Variants in C8orf76 observed in about 807,000 individuals in gnomAD.
The protein encoded by C8orf76 is chromosome 8 open reading frame 76.
Under a neutral mutation model 38.1 loss-of-function variants are expected in C8orf76, and 46 were observed. The ratio of observed to expected loss-of-function variants is 1.21; its 90% CI spans 0.95 to 1.54. The LOEUF (loss-of-function observed/expected upper bound fraction) is 1.54, where lower values mean the gene tolerates loss of function less well. Among genes scored for constraint, C8orf76 ranks in the 40% most tolerant of loss-of-function variants. C8orf76 has a pLI of 0.00. For synonymous variants in C8orf76, 166 were observed against 167.5 expected (o/e 0.99, Z 0.07); for missense variants, 461 against 441.6 (o/e 1.04, Z -0.39).
chr8:123,232,551 G>C (rs1023372592), intron 3 of C8orf76, among the ~76,000 whole-genome samples: 1 of 152,148 alleles, frequency 6.6e-6, no homozygotes, highest in African/African-American at 2.4e-5. Context: ...AGGAAAGCCT[G>C]GCCTGCAAGC....
chr8:123,237,097 A>G (rs1825521531), intron 3 of C8orf76: 1 of 1,033,216 alleles, frequency 9.7e-7, no homozygotes, highest in Non-Finnish European at 1.5e-6. Flanking sequence ...TCGCCCAGAA[A>G]TACAACTACA....
At chr8:123,226,189 T>C (rs1011123773) in intron 5 of C8orf76, 7 of 1,175,744 alleles carry the variant, frequency 6.0e-6, no homozygotes, top group Non-Finnish European at 7.4e-6. Flanking sequence ...GCTACACAAA[T>C]GTAAGCATTC....
At chr8:123,230,998 A>T (rs1447404551) in intron 4 of C8orf76, among the ~76,000 whole-genome samples, 1 of 152,102 alleles carries the variant, frequency 6.6e-6, no homozygotes, top group Non-Finnish European at 1.5e-5. Context: ...GGATTTCACC[A>T]TGTTGCTCAG....
intron 1 of C8orf76, chr8:123,239,363 C>T (rs1825601599): frequency 2.3e-6 from 1 of 441,522 alleles, no homozygotes. Flanking sequence ...CCGCACCCAG[C>T]CCACATTGGT....
chr8:123,220,369 C>A lies in C8orf76; in HGVS notation c.949-72G>T. The A allele has an allele frequency of 3.5e-6, 4 of 1,159,362 alleles. No individual in the cohort carries two copies. The South Asian group carries it at 6.8e-5, about 20-fold the overall frequency. The allele number at this position is 1,159,362 out of a possible 1,614,324, so 71.8% of individuals were successfully genotyped here. On this transcript the variant is annotated intron_variant, in intron 5 of 5. Coordinates refer to ENST00000276704, the MANE Select transcript of C8orf76 (RefSeq NM_032847.3). ...GACATGGAATGCTAGTTATCAACTG[C>A]GAAGGCTTTCATTCAAAGGCAGAAA...
rs567977818 is a variant in C8orf76 at position 123,241,254 on chromosome 8, G to C, written c.93C>G (p.Tyr31Ter). 2 of 1,590,428 alleles carry C rather than the reference G, an allele frequency of 1.3e-6. No individual in the cohort carries two copies. Among genetic ancestry groups the C allele is most frequent in the Non-Finnish European group, 1.7e-6 (2 of 1,172,388 alleles). ...PERRSGPPAS[Y>*]CAKLCEPQWF... ...CCTGCGGCTCGCAGAGCTTGGCGCA[G>C]TAGGACGCGGGCGGTCCTGACCGCC... is the stretch of plus-strand genomic sequence containing the variant. Residue 31 changes from tyrosine to a stop codon, truncating the protein, a stop_gained, in exon 1 of 6, where the codon TAC (tyrosine) becomes TAG (stop). Transcript: ENST00000276704. LOFTEE classifies it high-confidence loss of function.
intron 4 of C8orf76, among the ~76,000 whole-genome samples, chr8:123,227,410 C>T (rs1471863127): frequency 3.9e-5 from 6 of 152,162 alleles, no homozygotes; most frequent in African/African-American, 4.8e-5. Flanking sequence ...GAGCAAAACA[C>T]ACTTGTGGCC....
At chr8:123,227,517 C>T (rs529263932) in intron 4 of C8orf76, among the ~76,000 whole-genome samples, 1 of 152,256 alleles carries the variant, frequency 6.6e-6, no homozygotes, top group South Asian at 2.1e-4. Context: ...ACACAGTAAC[C>T]TCTTCAGATG....
chr8:123,226,002 AGT>A (rs1825033708), intron 5 of C8orf76, among the ~76,000 whole-genome samples: 1 of 152,196 alleles, frequency 6.6e-6, no homozygotes, highest in Non-Finnish European at 1.5e-5. Context: ...CAACCATCAA[AGT>A]AGTAACAGGG....
intron 3 of C8orf76, among the ~76,000 whole-genome samples, chr8:123,234,540 G>A (rs1278232832): frequency 6.6e-6 from 1 of 152,096 alleles, no homozygotes. Flanking sequence ...AGGCTGAGGC[G>A]GGTGGACTGC....
chr8:123,221,034 A>G (rs1333084529), intron 5 of C8orf76, among the ~76,000 whole-genome samples: 1 of 152,248 alleles, frequency 6.6e-6, no homozygotes, highest in African/African-American at 2.4e-5. Flanking sequence ...TTTAAGTTCC[A>G]CATAGATTTG....
intron 3 of C8orf76, among the ~76,000 whole-genome samples, chr8:123,233,235 T>G (rs1270654103): frequency 6.6e-6 from 1 of 151,998 alleles, no homozygotes; most frequent in Non-Finnish European, 1.5e-5. Flanking sequence ...GCCAGGCTGG[T>G]CTCGAACTCC....
rs369663764 is a variant in C8orf76, at chr8:123,226,485, G to A, written c.948+15C>T. 1.6e-4 allele frequency: 254 copies of A among 1,607,742 alleles called. No individual in the cohort carries two copies. Among genetic ancestry groups the A allele is most frequent in the Non-Finnish European group, 2.1e-4 (244 of 1,178,646 alleles). On this transcript the variant is annotated intron_variant, in intron 5 of 5. Transcript: ENST00000276704. ...ATGATGCTTCGTTTCACATAAACCC[G>A]AGGGATACACTCACCTCAGCTATCA...
chr8:123,239,173 G>C (rs1825596185), intron 1 of C8orf76, 29 bp from the exon 2 acceptor site: 4 of 1,606,290 alleles, frequency 2.5e-6, no homozygotes, highest in Non-Finnish European at 3.4e-6. Context: ...GCCTATTACA[G>C]AGTGAGCTAT....
At chr8:123,222,027 C>T (rs188860544) in intron 5 of C8orf76, among the ~76,000 whole-genome samples, 3 of 151,992 alleles carry the variant, frequency 2.0e-5, no homozygotes, top group Admixed American at 1.3e-4. Flanking sequence ...CTCACTCTGT[C>T]GCCCAGACTG....
intron 2 of C8orf76, among the ~76,000 whole-genome samples, chr8:123,238,153 C>T (rs1422451183): frequency 6.6e-6 from 1 of 152,182 alleles, no homozygotes. Flanking sequence ...TAAATTGCAG[C>T]TCCCATAACC....
At chr8:123,229,883 G>GGC (rs1165178810) in intron 4 of C8orf76, among the ~76,000 whole-genome samples, 2 of 152,108 alleles carry the variant, frequency 1.3e-5, no homozygotes, top group Non-Finnish European at 2.9e-5. Context: ...CGGGTGTGGT[G>GGC]GTGCACAGCT....
rs1825427692 is a variant in C8orf76 at position 123,235,389 on chromosome 8, A to G, written c.357+2409T>C. 2.0e-5 allele frequency among the ~76,000 whole-genome samples: 3 copies of G among 152,182 alleles called. No homozygotes were observed. The South Asian group carries it at 6.2e-4, about 31-fold the overall frequency. On this transcript the variant is annotated intron_variant, in intron 3 of 5. Coordinates refer to ENST00000276704, the MANE Select transcript of C8orf76 (RefSeq NM_032847.3). ...GTCCCCCTACAGAATGTGAAAAGAC[A>G]GTAACCACCGTCACAAAAAAACAGA... is the stretch of plus-strand genomic sequence containing the variant.
In C8orf76 at chr8:123,220,201, A is replaced by G. The variant is rs1429418956; in HGVS notation, c.1045T>C (p.Ser349Pro). ...CACTTGTCTTCAAATTCTTCTGAGG[A>G]TACAGTCACCAAGGCAGTCAGGGCT... ...SVALTALVTV[S>P]SEEFEDKWFR... Residue 349 changes from serine (S) to proline (P), a missense_variant, in exon 6 of 6, where the codon TCC becomes CCC. Ser to Pro is a moderately conservative substitution (Grantham distance 74). Transcript: ENST00000276704. 9 of 1,613,926 alleles carry G rather than the reference A, an allele frequency of 5.6e-6. No individual in the cohort carries two copies. Among genetic ancestry groups the G allele is most frequent in the Non-Finnish European group, 7.6e-6 (9 of 1,179,948 alleles).
Sources: gnomAD v4.1 joint callset for allele counts (sites outside exome capture counted in the v4.1 genomes callset) on GRCh38, gnomAD v4.1.1 for gene constraint, MANE v1.5 for transcripts, NCBI Gene and HGNC (gene_info 2026-07-23, HGNC 2026-07-21) for gene names.